Variants in CADPS observed in about 807,000 individuals in gnomAD.
CADPS encodes the protein calcium-dependent secretion activator 1.
CADPS carries 57 observed loss-of-function variants against 167.3 expected under a neutral mutation model. That is an observed-to-expected ratio of 0.34 (90% CI 0.28 to 0.42). The LOEUF (loss-of-function observed/expected upper bound fraction) is 0.42, where lower values mean the gene tolerates loss of function less well. CADPS is among the 20% of genes least tolerant of loss of function. The pLI, the probability that CADPS is intolerant of heterozygous loss-of-function variation, is 1.00. For synonymous variants in CADPS, 676 were observed against 635.3 expected, an observed-to-expected ratio of 1.06 and a Z score of -0.96; for missense variants, 1,414 against 1,738.1, an observed-to-expected ratio of 0.81 and a Z score of 3.32.
At chr3:62,599,722 TA>T (rs2059504973) in intron 6 of CADPS, among the ~76,000 whole-genome samples, 1 of 41,816 alleles carries the variant, frequency 2.4e-5, no homozygotes, top group South Asian at 5.9e-4. Flanking sequence ...ATATATAATA[TA>T]TATAGTATAT....
intron 6 of CADPS, among the ~76,000 whole-genome samples, chr3:62,635,995 G>T (rs1418009849): frequency 6.6e-6 from 1 of 152,188 alleles, no homozygotes; most frequent in East Asian, 1.9e-4. Flanking sequence ...GCATCTGAGA[G>T]ATAAAGCGTC....
intron 1 of CADPS, among the ~76,000 whole-genome samples, chr3:62,842,036 G>A (rs1394644433): frequency 6.6e-6 from 1 of 152,118 alleles, no homozygotes; most frequent in Non-Finnish European, 1.5e-5. Context: ...AAAAATTATT[G>A]AAACCACATC....
intron 17 of CADPS, among the ~76,000 whole-genome samples, chr3:62,511,324 T>G (rs1324967769): frequency 6.6e-6 from 1 of 152,164 alleles, no homozygotes. Context: ...TACGTTGAAT[T>G]AATTACAGAG....
intron 8 of CADPS, among the ~76,000 whole-genome samples, chr3:62,582,601 T>G (rs1562458081): frequency 6.6e-6 from 1 of 152,240 alleles, no homozygotes; most frequent in Admixed American, 6.5e-5. Flanking sequence ...TTTCTCTGAA[T>G]AGTCCCTTAG....
At position 62,506,065 on chromosome 3, in the gene CADPS, A is replaced by C. The variant is rs569188441; in HGVS notation, c.2599+6686T>G. Among the ~76,000 whole-genome samples, 10 of 152,314 alleles carry C rather than the reference A, an allele frequency of 6.6e-5. No homozygotes were observed. The South Asian group carries it at 1.9e-3, about 28-fold the overall frequency. ...CATAACTTAAACTTCCAAGCCAGAGAATAACATCAGGTTTCTTAATGCAAT... is the reference window on the plus strand; with the variant it reads ...CATAACTTAAACTTCCAAGCCAGAGCATAACATCAGGTTTCTTAATGCAAT... On this transcript the variant is annotated intron_variant, in intron 17 of 29. Transcript: ENST00000383710.
At chr3:62,801,881 G>A (rs779255730) in intron 1 of CADPS, among the ~76,000 whole-genome samples, 16 of 152,150 alleles carry the variant, frequency 1.1e-4, no homozygotes, top group Non-Finnish European at 1.8e-4. Context: ...TGTAATCATT[G>A]AGCCTGTCTA....
intron 3 of CADPS, among the ~76,000 whole-genome samples, chr3:62,735,988 TCTAA>T (rs2078926095): frequency 2.6e-5 from 4 of 152,132 alleles, no homozygotes; most frequent in Admixed American, 2.6e-4. Context: ...ACCAGTGGGA[TCTAA>T]CTGATACAAC....
At chr3:62,587,043 C>T (rs1056289669) in intron 7 of CADPS, among the ~76,000 whole-genome samples, 3 of 152,154 alleles carry the variant, frequency 2.0e-5, no homozygotes, top group African/African-American at 7.2e-5. Flanking sequence ...TGACTGACAT[C>T]TTGTCCCATC....
intron 6 of CADPS, among the ~76,000 whole-genome samples, chr3:62,632,848 A>G (rs2065552295): frequency 6.6e-6 from 1 of 152,174 alleles, no homozygotes; most frequent in Non-Finnish European, 1.5e-5. Flanking sequence ...CGTCTCTGCT[A>G]AAGTGGAAAA....
chr3:62,570,134 A>T (rs191057428), intron 9 of CADPS, among the ~76,000 whole-genome samples: 1 of 152,278 alleles, frequency 6.6e-6, no homozygotes, highest in East Asian at 1.9e-4. Context: ...AAGTTTACAG[A>T]TATGAGAGCC....
At chr3:62,645,489 C>T (rs1423685408) in intron 6 of CADPS, among the ~76,000 whole-genome samples, 1 of 152,198 alleles carries the variant, frequency 6.6e-6, no homozygotes, top group East Asian at 1.9e-4. Context: ...CTTAAAACCA[C>T]TAGAAAGGAC....
chr3:62,599,770 AAT>A lies in CADPS; in HGVS notation c.1326-7024_1326-7023del, dbSNP rs371691531. Among the ~76,000 whole-genome samples the A allele has an allele frequency of 0.027, 70 of 2,584 alleles. 7 individuals are homozygous for A. In the East Asian group the frequency reaches 0.54, roughly 20 times the overall value. The allele number at this position is 2,584 out of a possible 152,430, so 1.7% of individuals were successfully genotyped here. A position where few individuals can be genotyped will look rare whatever the true frequency, so the allele number is the denominator to read the frequency against. On this transcript the variant is annotated intron_variant, in intron 6 of 29. Transcript: ENST00000383710. ...AATCTATTATATATATTGTATATAT[AAT>A]ATATATATTATATATAATATATATA...
At chr3:62,617,038 A>G (rs1457761151) in intron 6 of CADPS, among the ~76,000 whole-genome samples, 1 of 152,190 alleles carries the variant, frequency 6.6e-6, no homozygotes, top group African/African-American at 2.4e-5. Flanking sequence ...ATAAACATTA[A>G]TTGATAATCT....
chr3:62,859,059 A>G (rs1429367255), intron 1 of CADPS, among the ~76,000 whole-genome samples: 1 of 152,168 alleles, frequency 6.6e-6, no homozygotes, highest in Admixed American at 6.6e-5. Context: ...ATATAAAAGC[A>G]TTTGGATGAG....
At chr3:62,577,414 A>G (rs1301945217) in intron 8 of CADPS, among the ~76,000 whole-genome samples, 1 of 152,142 alleles carries the variant, frequency 6.6e-6, no homozygotes, top group Non-Finnish European at 1.5e-5. Context: ...TTATAAGAAC[A>G]GAAGTTGCAG....
chr3:62,868,479 C>A (rs1180199129), intron 1 of CADPS, among the ~76,000 whole-genome samples: 1 of 152,030 alleles, frequency 6.6e-6, no homozygotes, highest in Non-Finnish European at 1.5e-5. Context: ...GTCATATCTT[C>A]CACTTGTAAG....
chr3:62,552,959 A>C lies in CADPS; in HGVS notation c.1754-2844T>G, dbSNP rs543275905. Among the ~76,000 whole-genome samples, 3 of 152,314 alleles carry C rather than the reference A, an allele frequency of 2.0e-5. No individual in the cohort carries two copies. In the South Asian group the frequency reaches 6.2e-4, roughly 32 times the overall value. On this transcript the variant is annotated intron_variant, in intron 10 of 29. Coordinates refer to ENST00000383710, the MANE Select transcript of CADPS (RefSeq NM_003716.4). ...TGATGAACCTAATGAATAGCACAAT[A>C]AAAAGGAAAATTCTGAAAGGGGAAG... is the stretch of plus-strand genomic sequence containing the variant.
chr3:62,674,238 G>T (rs1161898449), intron 3 of CADPS, among the ~76,000 whole-genome samples: 7 of 152,104 alleles, frequency 4.6e-5, no homozygotes, highest in Non-Finnish European at 1.0e-4. Context: ...TAAAACTGAG[G>T]TGAATTAATT....
Position 62,474,257 on chromosome 3 carries a change from T to C in CADPS, c.3393A>G (p.Pro1131=), listed in dbSNP as rs753913796. The change falls in exon 24 of 30, where the codon CCA becomes CCG. Residue 1131 remains proline (P), a synonymous_variant. Transcript: ENST00000383710. ...KTSRSTDFRV[P]QSICTMFNVM... The stretch of plus-strand genomic sequence containing the variant: ...CATTAAACATGGTGCATATTGACTG[T>C]GGGACTCGAAAATCTGTTGATCGAC... The C allele has an allele frequency of 6.2e-7, 1 of 1,610,334 alleles. No homozygotes were observed. Among genetic ancestry groups the C allele is most frequent in the Admixed American group, 1.7e-5 (1 of 59,352 alleles).
Sources: allele counts gnomAD v4.1 joint callset (sites outside exome capture counted in the v4.1 genomes callset), GRCh38; gene constraint gnomAD v4.1.1; transcripts MANE v1.5; gene names NCBI Gene and HGNC (gene_info 2026-07-23, HGNC 2026-07-21).